The following ALG14 variants were observed in gnomAD, a reference collection of about 807,000 sequenced individuals.
The protein encoded by ALG14 is ALG14 UDP-N-acetylglucosaminyltransferase subunit.
A neutral mutation model predicts 22.8 loss-of-function variants in ALG14; 17 were observed. That is an observed-to-expected ratio of 0.75 (90% CI 0.51 to 1.12). The LOEUF (loss-of-function observed/expected upper bound fraction) is 1.12, where lower values mean the gene tolerates loss of function less well. ALG14 is among the 50% of genes most tolerant of loss of function. The pLI is 0.00. For missense variants in ALG14, 288 were observed against 271.8 expected (o/e 1.06, Z -0.42); for synonymous variants, 89 against 103.7 (o/e 0.86, Z 0.86).
At chr1:95,026,861 G>C (rs1372069976) in intron 3 of ALG14, among the ~76,000 whole-genome samples, 1 of 152,092 alleles carries the variant, frequency 6.6e-6, no homozygotes, top group Non-Finnish European at 1.5e-5. Context: ...TGTGATAAAA[G>C]TCACAAAAAT....
intron 3 of ALG14, among the ~76,000 whole-genome samples, chr1:94,985,900 A>G (rs1484790794): frequency 2.0e-5 from 3 of 152,212 alleles, no homozygotes; most frequent in African/African-American, 4.8e-5. Context: ...CTGAAAAAAA[A>G]AAAGCAAACT....
intron 2 of ALG14, among the ~76,000 whole-genome samples, chr1:95,053,203 A>G (rs1674811531): frequency 6.6e-6 from 1 of 152,214 alleles, no homozygotes; most frequent in African/African-American, 2.4e-5. Context: ...AAGAGGTGGG[A>G]AAATACATAC....
At chr1:95,069,770 C>G (rs1675499332) in intron 1 of ALG14, among the ~76,000 whole-genome samples, 1 of 152,162 alleles carries the variant, frequency 6.6e-6, no homozygotes, top group South Asian at 2.1e-4. Flanking sequence ...CTGAGGCTTG[C>G]CATAGAAACT....
chr1:95,004,520 CCCAGAG>C (rs1170019904), intron 3 of ALG14, among the ~76,000 whole-genome samples: 1 of 151,930 alleles, frequency 6.6e-6, no homozygotes, highest in Non-Finnish European at 1.5e-5. Context: ...CTGTGCCTGG[CCCAGAG>C]TCTCGCTCTA....
chr1:95,027,305 T>C (rs1184958474), intron 2 of ALG14, 45 bp from the exon 3 acceptor site: 8 of 1,604,692 alleles, frequency 5.0e-6, no homozygotes, highest in East Asian at 2.2e-5. Context: ...GTCACTGATA[T>C]CAAAGTTAAA....
intron 2 of ALG14, among the ~76,000 whole-genome samples, chr1:95,040,459 C>A (rs1674344041): frequency 6.6e-6 from 1 of 152,154 alleles, no homozygotes; most frequent in Non-Finnish European, 1.5e-5. Flanking sequence ...CTTGGTCAAA[C>A]CTGACTAAAA....
intron 2 of ALG14, among the ~76,000 whole-genome samples, chr1:95,038,455 C>A (rs1674267554): frequency 6.6e-6 from 1 of 152,108 alleles, no homozygotes; most frequent in South Asian, 2.1e-4. Flanking sequence ...TGACACTGCA[C>A]TCTAGTCTGG....
intron 3 of ALG14, among the ~76,000 whole-genome samples, chr1:95,013,666 T>C (rs1394157799): frequency 2.6e-5 from 4 of 152,130 alleles, no homozygotes; most frequent in African/African-American, 4.8e-5. Flanking sequence ...GATCTGGATA[T>C]CTACAATGTT....
chr1:95,020,869 C>T (rs764473700), intron 3 of ALG14, among the ~76,000 whole-genome samples: 3 of 152,050 alleles, frequency 2.0e-5, no homozygotes, highest in Non-Finnish European at 4.4e-5. Context: ...GGTGGTTGCA[C>T]AGCATAGTGA....
At chr1:95,000,389 A>C (rs1348077810) in intron 3 of ALG14, among the ~76,000 whole-genome samples, 2 of 151,642 alleles carry the variant, frequency 1.3e-5, no homozygotes, top group Non-Finnish European at 2.9e-5. Flanking sequence ...TAAAAAAAAA[A>C]TTAGCTGGGT....
chr1:95,058,284 GAAAAAAAAAAAAAAAA>G (rs56748968), intron 2 of ALG14, among the ~76,000 whole-genome samples: 2 of 20,514 alleles, frequency 9.7e-5, no homozygotes, highest in Non-Finnish European at 2.0e-4. Context: ...GACTCCATCT[GAAAAAAAAAAAAAAAA>G]AAAAAAAAAA....
chr1:94,985,036 C>A (rs1334116669), intron 3 of ALG14, among the ~76,000 whole-genome samples: 5 of 151,870 alleles, frequency 3.3e-5, no homozygotes, highest in Non-Finnish European at 7.4e-5. Context: ...TCCCTTTTTG[C>A]AGAGGAGAAA....
At chr1:95,066,546 A>T (rs1247309159) in intron 1 of ALG14, among the ~76,000 whole-genome samples, 1 of 152,158 alleles carries the variant, frequency 6.6e-6, no homozygotes, top group Admixed American at 6.6e-5. Context: ...AATAGTAGAA[A>T]GGAAAGGATT....
chr1:95,000,447 G>T (rs559735444), intron 3 of ALG14, among the ~76,000 whole-genome samples: 2 of 148,034 alleles, frequency 1.4e-5, no homozygotes, highest in East Asian at 4.0e-4. Context: ...GAGGCAGGAG[G>T]ATTACTTGGG....
At chr1:95,016,157 A>AT (rs921903634) in intron 3 of ALG14, among the ~76,000 whole-genome samples, 3 of 152,128 alleles carry the variant, frequency 2.0e-5, no homozygotes, top group African/African-American at 4.8e-5. Flanking sequence ...GCCCAAGCCC[A>AT]TTTTCTCTAT....
intron 2 of ALG14, among the ~76,000 whole-genome samples, chr1:95,037,214 C>T (rs1571635384): frequency 6.6e-6 from 1 of 152,276 alleles, no homozygotes; most frequent in East Asian, 1.9e-4. Context: ...CTCTCATATT[C>T]TCAGCCGGAC....
At chr1:94,995,999 A>G (rs934675292) in intron 3 of ALG14, among the ~76,000 whole-genome samples, 2 of 152,214 alleles carry the variant, frequency 1.3e-5, no homozygotes, top group African/African-American at 4.8e-5. Flanking sequence ...GCTTGACTGC[A>G]CTAATGACGC....
At chr1:95,040,655 C>T (rs1571640888) in intron 2 of ALG14, among the ~76,000 whole-genome samples, 1 of 152,138 alleles carries the variant, frequency 6.6e-6, no homozygotes, top group East Asian at 1.9e-4. Flanking sequence ...GATTTTATAA[C>T]AGCACAAAAT....
intron 3 of ALG14, among the ~76,000 whole-genome samples, chr1:94,988,725 T>G (rs779182399): frequency 6.6e-6 from 1 of 152,298 alleles, no homozygotes; most frequent in Non-Finnish European, 1.5e-5. Context: ...ATTCAGAGTA[T>G]TTGGTTCATG....
Sources: allele counts gnomAD v4.1 joint callset (sites outside exome capture counted in the v4.1 genomes callset), GRCh38; gene constraint gnomAD v4.1.1; transcripts MANE v1.5; gene names NCBI Gene and HGNC (gene_info 2026-07-23, HGNC 2026-07-21).